The following OLFM1 variants were observed in gnomAD, a reference collection of about 807,000 sequenced individuals.
OLFM1 encodes the protein olfactomedin 1.
In OLFM1, 9 loss-of-function variants were observed where a neutral mutation model predicts 49.7. The ratio of observed to expected loss-of-function variants is 0.18; its 90% CI spans 0.11 to 0.32. The LOEUF (loss-of-function observed/expected upper bound fraction) is 0.32. Ranked by LOEUF, OLFM1 falls within the 10% of genes least tolerant of loss-of-function variation. OLFM1 has a pLI of 1.00. For missense variants in OLFM1, 369 were observed against 661.8 expected (o/e 0.56, Z 4.85); for synonymous variants, 240 against 271.8 (o/e 0.88, Z 1.15).
chr9:135,076,753 C>T (rs1830471387), intron 1 of OLFM1: 2 of 1,476,574 alleles, frequency 1.4e-6, no homozygotes, highest in South Asian at 1.4e-5. Flanking sequence ...GTACCTTGGC[C>T]CCAAGCCCCA....
chr9:135,097,805 A>G (rs775193130), intron 3 of OLFM1: 15 of 1,613,690 alleles, frequency 9.3e-6, no homozygotes, highest in Middle Eastern at 1.7e-4. Context: ...AGTTTTTTCA[A>G]TGCTGCAGTG....
intron 4 of OLFM1, among the ~76,000 whole-genome samples, chr9:135,100,371 G>T (rs910344319): frequency 1.3e-5 from 2 of 152,188 alleles, no homozygotes; most frequent in Non-Finnish European, 2.9e-5. Flanking sequence ...CTTGGGTCTT[G>T]TGAAAGAGAT....
At chr9:135,107,328 A>G (rs976708053) in intron 5 of OLFM1, among the ~76,000 whole-genome samples, 53 of 152,222 alleles carry the variant, frequency 3.5e-4, no homozygotes, top group Non-Finnish European at 7.3e-4. Flanking sequence ...ATGGAGACTC[A>G]TGTTCCTTTT....
At chr9:135,116,426 T>G (rs1831096908) in intron 5 of OLFM1, among the ~76,000 whole-genome samples, 1 of 152,136 alleles carries the variant, frequency 6.6e-6, no homozygotes, top group Non-Finnish European at 1.5e-5. Context: ...GCTGGTGTAC[T>G]GGAAGAGAAG....
chr9:135,118,402 TGCTCGCTGTGTCTTTG>T (rs1409434075), intron 5 of OLFM1, among the ~76,000 whole-genome samples: 4 of 115,950 alleles, frequency 3.4e-5, no homozygotes, highest in Admixed American at 8.4e-5. Flanking sequence ...GTCTTTGGAG[TGCTCGCTGTGTCTTTG>T]GAGTGCTCGC....
At position 135,108,541 on chromosome 9, in the gene OLFM1, A is replaced by G. The variant is rs146278838; in HGVS notation, c.783+1686A>G. On this transcript the variant is annotated intron_variant, in intron 5 of 5. Transcript: ENST00000371793. ...CCAGCGACTCCGGAGGCTGAGGCAT[A>G]AGAATCGCTTGAACCTGGGAGGCAG... is the stretch of plus-strand genomic sequence containing the variant. Among the ~76,000 whole-genome samples, 731 of 152,100 alleles carry G rather than the reference A, an allele frequency of 4.8e-3. 5 individuals carry two copies. The highest frequency in any genetic ancestry group is 0.014 in the African/African-American group (585 of 41,476).
At chr9:135,115,292 A>G (rs1831082420) in intron 5 of OLFM1, among the ~76,000 whole-genome samples, 1 of 152,184 alleles carries the variant, frequency 6.6e-6, no homozygotes. Flanking sequence ...TCCAGGTTGC[A>G]TCCTTCGGAA....
At chr9:135,083,566 GA>G (rs1433715304), upstream of OLFM1, among the ~76,000 whole-genome samples, 2 of 152,206 alleles carry the variant, frequency 1.3e-5, no homozygotes, top group Non-Finnish European at 2.9e-5. Context: ...GTCACTGGGG[GA>G]CTTGAAGAGC....
chr9:135,095,100 C>T (rs1042619827), intron 2 of OLFM1: 3 of 152,172 alleles, frequency 2.0e-5, no homozygotes, highest in African/African-American at 7.2e-5. Flanking sequence ...CCCTGGAATC[C>T]TGTTGAATAT....
chr9:135,100,852 G>C (rs1830860703), intron 4 of OLFM1, among the ~76,000 whole-genome samples: 1 of 152,184 alleles, frequency 6.6e-6, no homozygotes, highest in South Asian at 2.1e-4. Flanking sequence ...CTGGTAGGCA[G>C]GTAGGTCGAT....
chr9:135,076,527 C>A, intron 1 of OLFM1: 1 of 1,227,812 alleles, frequency 8.1e-7, no homozygotes, highest in Non-Finnish European at 1.1e-6. Context: ...CATATTGGAG[C>A]TGGCAGGTCT....
At chr9:135,087,461 G>C, upstream of OLFM1, 1 of 1,533,464 alleles carries the variant, frequency 6.5e-7, no homozygotes, top group Non-Finnish European at 8.8e-7. Context: ...TGATCTGGGG[G>C]TGGTGGTGTG....
At chr9:135,076,916 C>A (rs774074726) in intron 1 of OLFM1, 17 of 1,550,642 alleles carry the variant, frequency 1.1e-5, no homozygotes, top group Non-Finnish European at 1.5e-5. Context: ...GCCTGGAAGC[C>A]CACGCTGGCT....
intron 1 of OLFM1, among the ~76,000 whole-genome samples, chr9:135,089,032 GA>G (rs1389214560): frequency 6.6e-6 from 1 of 152,204 alleles, no homozygotes; most frequent in African/African-American, 2.4e-5. Flanking sequence ...CCTTTAGGCT[GA>G]AAGGAGAGGT....
chr9:135,086,045 A>G (rs1830592137), upstream of OLFM1, among the ~76,000 whole-genome samples: 1 of 152,266 alleles, frequency 6.6e-6, no homozygotes, highest in African/African-American at 2.4e-5. Context: ...TTGTTCCCGC[A>G]GAACAAGTGG....
At chr9:135,109,548 C>T (rs1037942016) in intron 5 of OLFM1, among the ~76,000 whole-genome samples, 4 of 152,078 alleles carry the variant, frequency 2.6e-5, no homozygotes, top group Non-Finnish European at 5.9e-5. Context: ...CCCTCGGCTA[C>T]GGCCATTCCA....
chr9:135,095,640 A>G (rs1324111394), intron 2 of OLFM1, among the ~76,000 whole-genome samples: 1 of 152,138 alleles, frequency 6.6e-6, no homozygotes, highest in East Asian at 1.9e-4. Flanking sequence ...TGATAAGAAC[A>G]GGTTGGCAAA....
chr9:135,102,511 G>T (rs1402146903), intron 4 of OLFM1, among the ~76,000 whole-genome samples: 1 of 152,194 alleles, frequency 6.6e-6, no homozygotes. Flanking sequence ...CTCCCAGGAA[G>T]TTCTCCAGAT....
In OLFM1 at chr9:135,091,872, C is replaced by T. The variant is rs78266110; in HGVS notation, c.300+1528C>T. ...ACACATAGTCACACACACTCACACA[C>T]AGTCACACACACACTCACACATAGT... On this transcript the variant is annotated intron_variant, in intron 2 of 5. Coordinates refer to ENST00000371793, the MANE Select transcript of OLFM1 (RefSeq NM_001282611.2). 5.2e-3 allele frequency among the ~76,000 whole-genome samples: 707 copies of T among 135,528 alleles called. 4 individuals carry two copies. The highest frequency in any genetic ancestry group is 0.033 in the Middle Eastern group (9 of 272). 88.9% of individuals were successfully genotyped at this position (135,528 alleles called of 152,430 possible).
Sources: allele counts gnomAD v4.1 joint callset (sites outside exome capture counted in the v4.1 genomes callset), GRCh38; gene constraint gnomAD v4.1.1; transcripts MANE v1.5; gene names NCBI Gene and HGNC (gene_info 2026-07-23, HGNC 2026-07-21).